The following BAHCC1 variants were observed in gnomAD, a reference collection of about 807,000 sequenced individuals.
BAHCC1 encodes the protein BAH domain and coiled-coil containing 1.
BAHCC1 carries 43 observed loss-of-function variants against 88.2 expected under a neutral mutation model. That is an observed-to-expected ratio of 0.49 (90% CI 0.38 to 0.63). The LOEUF (loss-of-function observed/expected upper bound fraction) is 0.63, where lower values mean the gene tolerates loss of function less well. Among genes scored for constraint, BAHCC1 ranks in the 20% least tolerant of loss-of-function variants. The probability of loss-of-function intolerance (pLI) is 0.00; values close to 1 mark genes in which losing one functional copy is unlikely to be tolerated. For missense variants in BAHCC1, 3,023 were observed against 1,654.8 expected, an observed-to-expected ratio of 1.83 and a Z score of -14.34; for synonymous variants, 1,510 against 745.5, an observed-to-expected ratio of 2.03 and a Z score of -16.71.
At chr17:81,438,294 G>A in intron 3 of BAHCC1, 76 bp from the exon 4 acceptor site, 1 of 757,646 alleles carries the variant, frequency 1.3e-6, no homozygotes, top group Non-Finnish European at 2.5e-6. Flanking sequence ...CCGGCTTCTT[G>A]CCTCCCTGGG....
intron 2 of BAHCC1, among the ~76,000 whole-genome samples, chr17:81,425,972 GATAGTGGTGGGT>G (rs2064188638): frequency 1.6e-4 from 24 of 148,774 alleles, no homozygotes; most frequent in South Asian, 2.2e-4. Context: ...GGTTGGTGGT[GATAGTGGTGGGT>G]GTGGTTGGTG....
intron 22 of BAHCC1, 68 bp downstream of exon 22, chr17:81,459,396 T>G: frequency 1.3e-6 from 1 of 756,522 alleles, no homozygotes; most frequent in Non-Finnish European, 2.5e-6. Context: ...AGGAAGGCCT[T>G]GGCCTGGGCC....
Position 81,459,314 on chromosome 17 carries a change from C to T in BAHCC1, c.5782C>T (p.Leu1928=). ...NRQRIYSLEQ[L]LQEAVLDVRP... The stretch of plus-strand genomic sequence containing the variant: ...GCAGAGGATCTACTCACTGGAGCAG[C>T]TGCTGCAGGAAGCGGTGAGGACCGG... The change falls in exon 22 of 28, where the codon CTG becomes TTG. Residue 1928 remains leucine (L), a synonymous_variant. Transcript: ENST00000675386. 3.9e-6 allele frequency: 3 copies of T among 779,188 alleles called. No homozygotes were observed. Among genetic ancestry groups the T allele is most frequent in the South Asian group, 1.3e-5 (1 of 74,574 alleles). The allele number at this position is 779,188 out of a possible 1,614,324, so 48.3% of individuals were successfully genotyped here.
intron 2 of BAHCC1, chr17:81,415,728 G>C (rs1555648541): frequency 1.2e-5 from 4 of 340,402 alleles, no homozygotes; most frequent in South Asian, 6.8e-5. Flanking sequence ...CTCCATGCTG[G>C]ATGTGGTGAT....
In BAHCC1 at chr17:81,463,688, C is replaced by T. The variant is rs113400938; in HGVS notation, c.7698C>T (p.Arg2566=). The T allele has an allele frequency of 5.4e-5, 42 of 779,676 alleles. No individual in the cohort carries two copies. Among genetic ancestry groups the T allele is most frequent in the Admixed American group, 3.4e-4 (20 of 59,038 alleles). 48.3% of individuals were successfully genotyped at this position (779,676 alleles called of 1,614,324 possible). Residue 2566 remains arginine, a synonymous_variant, in exon 28 of 28, where the codon CGC becomes CGT. Transcript: ENST00000675386. ...TISHKCQVVA[R]EQYEQMARSR... Reference sequence around the variant, plus strand: ...CCCACAAGTGCCAGGTCGTGGCGCGCGAGCAGTATGAGCAGATGGCCCGGA... The same window carrying T: ...CCCACAAGTGCCAGGTCGTGGCGCGTGAGCAGTATGAGCAGATGGCCCGGA...
intron 2 of BAHCC1, among the ~76,000 whole-genome samples, chr17:81,417,436 G>A (rs1157159498): frequency 1.3e-5 from 2 of 152,042 alleles, no homozygotes; most frequent in African/African-American, 2.4e-5. Flanking sequence ...AATTGGAGAA[G>A]CAGAGAGGGA....
chr17:81,399,554 C>A lies in BAHCC1; in HGVS notation c.-186C>A. The A allele has an allele frequency of 5.2e-6, 2 of 386,958 alleles. No individual in the cohort carries two copies. Among genetic ancestry groups the A allele is most frequent in the Non-Finnish European group, 1.0e-5 (2 of 198,738 alleles). 24.0% of individuals were successfully genotyped at this position (386,958 alleles called of 1,614,324 possible). ...CACAGACCATGGACCCGCACAGCGG[C>A]CGCTGGCTCGGTGCGCGGCCGCCCG... On this transcript the variant is annotated 5_prime_UTR_variant, in exon 2 of 28. Coordinates refer to ENST00000675386, the MANE Select transcript of BAHCC1 (RefSeq NM_001377448.1). The surrounding 1 kb of genome is among the most constrained non-coding windows in gnomAD (Gnocchi z 4.5).
At chr17:81,455,679 A>C (rs2064735490) in intron 15 of BAHCC1, among the ~76,000 whole-genome samples, 1 of 151,728 alleles carries the variant, frequency 6.6e-6, no homozygotes, top group Admixed American at 6.6e-5. Flanking sequence ...GCTCACAGAG[A>C]CTCCCTGGAA....
At chr17:81,436,780 G>A (rs1450560803) in intron 3 of BAHCC1, among the ~76,000 whole-genome samples, 2 of 152,208 alleles carry the variant, frequency 1.3e-5, no homozygotes, top group East Asian at 1.9e-4. Flanking sequence ...GGGCCAGGGC[G>A]CCCTCCCCAG....
intron 3 of BAHCC1, among the ~76,000 whole-genome samples, chr17:81,429,270 G>GC (rs1189370085): frequency 6.6e-6 from 1 of 152,224 alleles, no homozygotes; most frequent in Non-Finnish European, 1.5e-5. Flanking sequence ...GGGTGTGGGT[G>GC]CCCCCCGAGG....
intron 1 of BAHCC1, among the ~76,000 whole-genome samples, chr17:81,398,646 G>C (rs1555645293): frequency 6.6e-6 from 1 of 152,242 alleles, no homozygotes; most frequent in South Asian, 2.1e-4. Context: ...ATCCGCAGAG[G>C]AAGATCCTGG....
At chr17:81,429,594 G>C (rs1440937388) in intron 3 of BAHCC1, among the ~76,000 whole-genome samples, 3 of 152,230 alleles carry the variant, frequency 2.0e-5, no homozygotes, top group Admixed American at 1.3e-4. Flanking sequence ...GTGTGTTCAT[G>C]GGGGAAGGGG....
At position 81,436,921 on chromosome 17, in the gene BAHCC1, C is replaced by T. The variant is rs1422283384; in HGVS notation, c.359-1449C>T. ...ACGCCCTACACGACTCCAAATGGGA[C>T]GTGTGTGGGGTGCATTCTTGGAGCT... On this transcript the variant is annotated intron_variant, in intron 3 of 27. Transcript: ENST00000675386. Among the ~76,000 whole-genome samples, 7 of 152,352 alleles carry T rather than the reference C, an allele frequency of 4.6e-5. No individual in the cohort carries two copies. The East Asian group carries it at 1.2e-3, about 25-fold the overall frequency.
chr17:81,440,240 G>C (rs1329890841), intron 4 of BAHCC1, among the ~76,000 whole-genome samples: 1 of 152,202 alleles, frequency 6.6e-6, no homozygotes, highest in African/African-American at 2.4e-5. Flanking sequence ...TGTCAGGGGC[G>C]GGCAGGTGGC....
intron 2 of BAHCC1, among the ~76,000 whole-genome samples, chr17:81,422,479 C>T (rs774562802): frequency 1.2e-4 from 19 of 152,384 alleles, no homozygotes; most frequent in Middle Eastern, 3.4e-3. Context: ...ACAGACAGCA[C>T]TTTGGGACCC....
intron 2 of BAHCC1, among the ~76,000 whole-genome samples, chr17:81,423,556 G>C (rs1343427644): frequency 6.6e-6 from 1 of 152,186 alleles, no homozygotes; most frequent in African/African-American, 2.4e-5. Context: ...TCCCGAGGGG[G>C]CAGGCCCCCC....
In BAHCC1 at chr17:81,443,713, A is replaced by C. The variant is rs1200815814; in HGVS notation, c.2216-96A>C. On this transcript the variant is annotated intron_variant, in intron 5 of 27. Coordinates refer to ENST00000675386, the MANE Select transcript of BAHCC1 (RefSeq NM_001377448.1). ...ACCAGGGGATCCTCCTCAGTGCATC[A>C]GGCCCCCCAGCTCGAAGCGGGGTCA... 4 of 667,646 alleles carry C rather than the reference A, an allele frequency of 6.0e-6. No homozygotes were observed. The African/African-American group carries it at 7.0e-5, about 12-fold the overall frequency. 41.4% of individuals were successfully genotyped at this position (667,646 alleles called of 1,614,324 possible). A position where few individuals can be genotyped will look rare whatever the true frequency, so the allele number is the denominator to read the frequency against.
At position 81,399,715 on chromosome 17, in the gene BAHCC1, CG is replaced by C. The variant is rs2063788738; in HGVS notation, c.-23del. On this transcript the variant is annotated 5_prime_UTR_variant, in exon 2 of 28. Coordinates refer to ENST00000675386, the MANE Select transcript of BAHCC1 (RefSeq NM_001377448.1). This position sits in a 1 kb window ranked among gnomAD's most constrained non-coding sequence, Gnocchi z 4.5. Reference sequence around the variant, plus strand: ...CGGCCGCGCTGCTCCGAGGAAGCGGCGGCGGACCGGGGCCGGGGCCCGGCAT... The same window carrying C: ...CGGCCGCGCTGCTCCGAGGAAGCGGCGCGGACCGGGGCCGGGGCCCGGCAT... The C allele has an allele frequency of 9.7e-7, 1 of 1,027,660 alleles. No individual in the cohort carries two copies. Among genetic ancestry groups the C allele is most frequent in the Non-Finnish European group, 1.2e-6 (1 of 859,648 alleles). The allele number at this position is 1,027,660 out of a possible 1,614,324, so 63.7% of individuals were successfully genotyped here.
rs572835735 is a variant in BAHCC1, at chr17:81,442,588, C to T, written c.1239C>T (p.Ala413=). The T allele has an allele frequency of 1.4e-5, 11 of 773,798 alleles. No individual in the cohort carries two copies. In the South Asian group the frequency reaches 1.5e-4, roughly 10 times the overall value. 47.9% of individuals were successfully genotyped at this position (773,798 alleles called of 1,614,324 possible). Residue 413 remains alanine (A), a synonymous_variant, in exon 5 of 28, where the codon GCC becomes GCT. Coordinates refer to ENST00000675386, the MANE Select transcript of BAHCC1 (RefSeq NM_001377448.1). The part of the protein sequence containing the change: ...DKGRPFQAAE[A]CAVAGEGKDR... Reference sequence around the variant, plus strand: ...GCCGCCCCTTCCAGGCCGCCGAGGCCTGTGCCGTGGCAGGGGAGGGCAAGG... The same window carrying T: ...GCCGCCCCTTCCAGGCCGCCGAGGCTTGTGCCGTGGCAGGGGAGGGCAAGG...
Sources: allele counts gnomAD v4.1 joint callset (sites outside exome capture counted in the v4.1 genomes callset), GRCh38; gene constraint gnomAD v4.1.1; non-coding constraint Gnocchi (gnomAD v3.1); transcripts MANE v1.5; gene names NCBI Gene and HGNC (gene_info 2026-07-23, HGNC 2026-07-21).